LRMDA: variants seen among roughly 807,000 people sequenced by gnomAD.
LRMDA encodes the protein leucine-rich melanocyte differentiation-associated protein.
Under a neutral mutation model 29.8 loss-of-function variants are expected in LRMDA, and 18 were observed. The ratio of observed to expected loss-of-function variants is 0.60; its 90% confidence interval spans 0.42 to 0.90. LRMDA has a LOEUF of 0.90. Among genes scored for constraint, LRMDA ranks in the 40% least tolerant of loss-of-function variants. The pLI is 0.00. For missense variants in LRMDA, 273 were observed against 273.9 expected (o/e 1.00, Z 0.02); for synonymous variants, 125 against 109.4 (o/e 1.14, Z -0.89).
chr10:76,198,283 G>T (rs1851367101), intron 5 of LRMDA, among the ~76,000 whole-genome samples: 1 of 152,228 alleles, frequency 6.6e-6, no homozygotes, highest in Non-Finnish European at 1.5e-5. Flanking sequence ...TGATTCAGTG[G>T]GTCTAGGGTG....
At chr10:76,214,290 A>G (rs1851686578) in intron 5 of LRMDA, among the ~76,000 whole-genome samples, 1 of 151,346 alleles carries the variant, frequency 6.6e-6, no homozygotes, top group African/African-American at 2.4e-5. Flanking sequence ...TTCTAACTCC[A>G]ACATTTTGTG....
At chr10:75,613,754 G>A (rs1035585057) in intron 2 of LRMDA, among the ~76,000 whole-genome samples, 1 of 152,208 alleles carries the variant, frequency 6.6e-6, no homozygotes, top group African/African-American at 2.4e-5. Flanking sequence ...TGTGATCTCT[G>A]TTACTTTGAC....
At position 76,378,858 on chromosome 10, in the gene LRMDA, C is replaced by CTTTTTTTTTTTTTTTTTTTTTCT. The variant is rs144037195; in HGVS notation, c.601+54389_601+54390insTTTTTCTTTTTTTTTTTTTTTTT. 1.7e-5 allele frequency among the ~76,000 whole-genome samples: 2 copies of CTTTTTTTTTTTTTTTTTTTTTCT among 118,966 alleles called. 1 individual carries two copies. The allele number at this position is 118,966 out of a possible 152,430, so 78.0% of individuals were successfully genotyped here. ...CTTTTCTCTCTTTTTCTTTTTTTTT[C>CTTTTTTTTTTTTTTTTTTTTTCT]TTTTTTTTTTTTTTTTGAGACGATG... On this transcript the variant is annotated intron_variant, in intron 6 of 6. Coordinates refer to ENST00000611255, the MANE Select transcript of LRMDA (RefSeq NM_001305581.2).
chr10:75,949,065 C>T (rs1009036228), intron 2 of LRMDA, among the ~76,000 whole-genome samples: 1 of 151,732 alleles, frequency 6.6e-6, no homozygotes, highest in East Asian at 1.9e-4. Context: ...GGAAATGCAC[C>T]AGACTCCAGA....
At chr10:75,604,575 T>C (rs1198086855) in intron 2 of LRMDA, among the ~76,000 whole-genome samples, 1 of 152,142 alleles carries the variant, frequency 6.6e-6, no homozygotes, top group Admixed American at 6.5e-5. Flanking sequence ...AAGTTTATGG[T>C]ATTGAGTATG....
At chr10:76,014,457 C>T (rs985038820) in intron 2 of LRMDA, among the ~76,000 whole-genome samples, 26 of 152,044 alleles carry the variant, frequency 1.7e-4, no homozygotes, top group Non-Finnish European at 2.9e-4. Context: ...CTCACATCCT[C>T]ACTTCAAGAT....
chr10:76,338,323 C>T (rs542987497), intron 6 of LRMDA, among the ~76,000 whole-genome samples: 20 of 151,820 alleles, frequency 1.3e-4, no homozygotes, highest in African/African-American at 4.3e-4. Flanking sequence ...TGTGAATAGC[C>T]ATTGTATTCC....
intron 2 of LRMDA, among the ~76,000 whole-genome samples, chr10:75,961,718 T>TTTAG (rs1846769726): frequency 6.6e-6 from 1 of 152,204 alleles, no homozygotes; most frequent in African/African-American, 2.4e-5. Context: ...ACTTTAACAC[T>TTTAG]AATGCTTTCC....
chr10:76,214,061 G>A (rs1851682552), intron 5 of LRMDA, among the ~76,000 whole-genome samples: 1 of 152,170 alleles, frequency 6.6e-6, no homozygotes, highest in South Asian at 2.1e-4. Context: ...AGGGAGACAG[G>A]AGTGTCTCTG....
At chr10:75,441,441 G>T (rs1249118986) in intron 2 of LRMDA, among the ~76,000 whole-genome samples, 1 of 152,182 alleles carries the variant, frequency 6.6e-6, no homozygotes, top group African/African-American at 2.4e-5. Flanking sequence ...ATTATGTATT[G>T]ACTTGTACTG....
At chr10:76,139,411 TTTA>T (rs1850157159) in intron 5 of LRMDA, among the ~76,000 whole-genome samples, 1 of 151,628 alleles carries the variant, frequency 6.6e-6, no homozygotes, top group African/African-American at 2.4e-5. Context: ...CCCCTTTTAA[TTTA>T]CCACCTTCCT....
In LRMDA at chr10:76,557,360, G is replaced by T; in HGVS notation, c.*72G>T. 7.7e-7 allele frequency: 1 copy of T among 1,301,596 alleles called. No individual in the cohort carries two copies. The highest frequency in any genetic ancestry group is 1.2e-5 in the South Asian group (1 of 80,748). 80.6% of individuals were successfully genotyped at this position (1,301,596 alleles called of 1,614,324 possible). On this transcript the variant is annotated 3_prime_UTR_variant, in exon 7 of 7. Coordinates refer to ENST00000611255, the MANE Select transcript of LRMDA (RefSeq NM_001305581.2). ...AAGGGAAATCAAAAATAAAGAAAAC[G>T]CTAAAGAAAAAACAATAGCCCACAT...
At chr10:75,768,026 A>G (rs895411457) in intron 2 of LRMDA, among the ~76,000 whole-genome samples, 2 of 152,254 alleles carry the variant, frequency 1.3e-5, no homozygotes, top group Non-Finnish European at 2.9e-5. Context: ...GGCAAGGGTC[A>G]GATTGTCCCC....
At chr10:76,221,788 C>T (rs996824799) in intron 5 of LRMDA, among the ~76,000 whole-genome samples, 7 of 152,006 alleles carry the variant, frequency 4.6e-5, no homozygotes, top group Non-Finnish European at 8.8e-5. Context: ...CATATGGAAC[C>T]AAAAAAGAGC....
intron 2 of LRMDA, among the ~76,000 whole-genome samples, chr10:75,653,313 A>G (rs772205306): frequency 1.3e-5 from 2 of 152,196 alleles, no homozygotes; most frequent in Non-Finnish European, 1.5e-5. Flanking sequence ...GTTAGTTCTC[A>G]TATAATGTGC....
chr10:75,692,219 A>AAAAT (rs1353540469), intron 2 of LRMDA, among the ~76,000 whole-genome samples: 2 of 87,548 alleles, frequency 2.3e-5, no homozygotes, highest in Non-Finnish European at 4.0e-5. Flanking sequence ...AAAAAAAAAA[A>AAAAT]ATATATATAT....
intron 2 of LRMDA, among the ~76,000 whole-genome samples, chr10:75,758,859 G>A (rs142505718): frequency 5.9e-5 from 9 of 152,152 alleles, no homozygotes; most frequent in African/African-American, 2.2e-4. Context: ...GTTATTATCT[G>A]GGTAGAGGAT....
intron 2 of LRMDA, among the ~76,000 whole-genome samples, chr10:75,464,717 A>T (rs542867733): frequency 6.6e-6 from 1 of 152,110 alleles, no homozygotes; most frequent in Non-Finnish European, 1.5e-5. Flanking sequence ...TTATTTTCGG[A>T]TGGAATAGAC....
chr10:76,221,519 T>C (rs975047362), intron 5 of LRMDA, among the ~76,000 whole-genome samples: 10 of 152,204 alleles, frequency 6.6e-5, no homozygotes, highest in African/African-American at 2.2e-4. Context: ...CCATTCACAA[T>C]TGTTTCAAAG....
Sources: gnomAD v4.1 joint callset for allele counts (sites outside exome capture counted in the v4.1 genomes callset) on GRCh38, gnomAD v4.1.1 for gene constraint, MANE v1.5 for transcripts, NCBI Gene and HGNC (gene_info 2026-07-23, HGNC 2026-07-21) for gene names.